Variants in RRP12 observed in about 807,000 individuals in gnomAD.
The protein encoded by RRP12 is RRP12-like protein.
In RRP12, 78 loss-of-function variants were observed where a neutral mutation model predicts 157.3. The ratio of observed to expected loss-of-function variants is 0.50; its 90% CI spans 0.41 to 0.60. The LOEUF (loss-of-function observed/expected upper bound fraction) is 0.60, where lower values mean the gene tolerates loss of function less well. Ranked by LOEUF, RRP12 falls within the 20% of genes least tolerant of loss-of-function variation. The pLI, the probability that RRP12 is intolerant of heterozygous loss-of-function variation, is 0.00. For missense variants in RRP12, 1,521 were observed against 1,679.9 expected, an observed-to-expected ratio of 0.91 and a Z score of 1.65; for synonymous variants, 726 against 670.9, an observed-to-expected ratio of 1.08 and a Z score of -1.27.
chr10:97,388,223 C>A (rs770196606), intron 8 of RRP12, 29 bp downstream of exon 8: 20 of 1,613,100 alleles, frequency 1.2e-5, no homozygotes, highest in Non-Finnish European at 1.4e-5. Flanking sequence ...GCAGGTCCCC[C>A]TTTCTCCAGC....
At chr10:97,392,879 C>T (rs765414590) in intron 4 of RRP12, among the ~76,000 whole-genome samples, 5 of 151,398 alleles carry the variant, frequency 3.3e-5, no homozygotes, top group Admixed American at 6.6e-5. Flanking sequence ...TTAGTAGGGA[C>T]GGGGTTTCAC....
Position 97,372,075 on chromosome 10 carries a change from C to G in RRP12, c.2341G>C (p.Glu781Gln), listed in dbSNP as rs1844171291. The G allele has an allele frequency of 6.2e-7, 1 of 1,611,846 alleles. No individual in the cohort carries two copies. The highest frequency in any genetic ancestry group is 8.5e-7 in the Non-Finnish European group (1 of 1,178,598). ...KLYSTIRPYL[E>Q]SKAHGVQKKA... Reference sequence around the variant, plus strand: ...CGCTCCTGGCCCCCGAGGCTCACCTCTAGGTAGGGCCGGATGGTGGAGTAT... The same window carrying G: ...CGCTCCTGGCCCCCGAGGCTCACCTGTAGGTAGGGCCGGATGGTGGAGTAT... Residue 781 changes from glutamate (E) to glutamine (Q), a missense_variant and splice_region_variant, in exon 20 of 34, where the codon GAG (glutamate) becomes CAG (glutamine). Physicochemically the swap from Glu to Gln is conservative, Grantham distance 29 (BLOSUM62 2). Transcript: ENST00000370992.
Position 97,381,821 on chromosome 10 carries a change from T to C in RRP12, c.1214A>G (p.Gln405Arg). ...EKAHINLVRLQWDLGLGHLPR... is the reference protein window; with the variant it reads ...EKAHINLVRLRWDLGLGHLPR... Reference sequence around the variant, plus strand: ...GAGGTGGCCTAGCCCCAGGTCCCACTGCAACCTGTCAAGACAAAAGGTTTC... The same window carrying C: ...GAGGTGGCCTAGCCCCAGGTCCCACCGCAACCTGTCAAGACAAAAGGTTTC... Residue 405 changes from glutamine to arginine, a missense_variant, in exon 11 of 34, where the codon CAG (glutamine) becomes CGG (arginine). Gln to Arg is a conservative substitution (Grantham distance 43). Transcript: ENST00000370992. The C allele has an allele frequency of 3.1e-6, 5 of 1,613,280 alleles. No individual in the cohort carries two copies. In the East Asian group the frequency reaches 8.9e-5, roughly 29 times the overall value.
intron 17 of RRP12, 22 bp from the exon 18 acceptor site, chr10:97,373,222 G>A: frequency 6.2e-7 from 1 of 1,611,650 alleles, no homozygotes; most frequent in Non-Finnish European, 8.5e-7. Context: ...ATCAAAGTTT[G>A]CACTAAAGGC....
chr10:97,380,676 T>C (rs1589428183), intron 13 of RRP12, 123 bp downstream of exon 13: 2 of 703,056 alleles, frequency 2.8e-6, no homozygotes, highest in East Asian at 2.7e-5. Flanking sequence ...GCACCTGCTA[T>C]GGCCCTGTCA....
intron 22 of RRP12, 55 bp from the exon 23 acceptor site, chr10:97,370,615 G>A (rs760285847): frequency 1.9e-5 from 30 of 1,584,632 alleles, no homozygotes; most frequent in Admixed American, 3.4e-5. Flanking sequence ...CCCGGGAAGC[G>A]AATCGAGTCC....
chr10:97,362,393 C>T (rs1242747488), intron 30 of RRP12, among the ~76,000 whole-genome samples: 2 of 152,194 alleles, frequency 1.3e-5, no homozygotes, highest in Non-Finnish European at 2.9e-5. Flanking sequence ...AAAAAGATTT[C>T]CAGGAAAAGT....
In RRP12 at chr10:97,390,948, C is replaced by T. The variant is rs915715130; in HGVS notation, c.531-104G>A. On this transcript the variant is annotated intron_variant, in intron 4 of 33. Coordinates refer to ENST00000370992, the MANE Select transcript of RRP12 (RefSeq NM_015179.4). The stretch of plus-strand genomic sequence containing the variant: ...GACAGGGCAAGGGGCGCTGGTGGCA[C>T]AGTCACTCAGAAAGTGAGCAACAAA... 7.8e-6 allele frequency: 6 copies of T among 766,544 alleles called. No homozygotes were observed. The African/African-American group carries it at 8.6e-5, about 11-fold the overall frequency. 47.5% of individuals were successfully genotyped at this position (766,544 alleles called of 1,614,324 possible).
intron 22 of RRP12, 47 bp downstream of exon 22, chr10:97,370,669 G>C: frequency 6.2e-7 from 1 of 1,606,320 alleles, no homozygotes; most frequent in Non-Finnish European, 8.5e-7. Flanking sequence ...AGGCCCTTAA[G>C]AGCCACATTC....
Position 97,400,471 on chromosome 10 carries a change from C to T in RRP12, c.203G>A (p.Arg68His). ...LHNELQSGSLRLGKSEAPETP... is the reference protein window; with the variant it reads ...LHNELQSGSLHLGKSEAPETP... ...CTCCGGGGCTTCGCTTTTGCCCAAG[C>T]GCAAGGACCCTGACTGCAGCTCATT... The change falls in exon 2 of 34, where the codon CGC becomes CAC. Residue 68 changes from arginine to histidine, a missense_variant. Physicochemically the swap from Arg to His is conservative, Grantham distance 29 (BLOSUM62 0). Coordinates refer to ENST00000370992, the MANE Select transcript of RRP12 (RefSeq NM_015179.4). 1.2e-6 allele frequency: 2 copies of T among 1,614,124 alleles called. No homozygotes were observed. Among genetic ancestry groups the T allele is most frequent in the Non-Finnish European group, 1.7e-6 (2 of 1,180,014 alleles).
At position 97,358,559 on chromosome 10, in the gene RRP12, T is replaced by A. The variant is rs776056564; in HGVS notation, c.3769A>T (p.Asn1257Tyr). The change falls in exon 33 of 34, where the codon AAC (asparagine) becomes TAC (tyrosine). Residue 1257 changes from asparagine (N) to tyrosine (Y), a missense_variant. By Grantham distance (143) the Asn-to-Tyr change is moderately radical (BLOSUM62 -2). Transcript: ENST00000370992. The part of the protein sequence containing the change: ...RPDPYAYIPL[N>Y]RSKLNRRKKM... ...TACCTGCGGTTGAGCTTGCTTCTGT[T>A]GAGGGGGATGTAGGCATAGGGATCC... The A allele has an allele frequency of 1.3e-5, 21 of 1,613,824 alleles. No individual in the cohort carries two copies. The Admixed American group carries it at 3.5e-4, about 27-fold the overall frequency.
In RRP12 at chr10:97,381,482, T is replaced by C; in HGVS notation, c.1322A>G (p.Glu441Gly). The stretch of plus-strand genomic sequence containing the variant: ...GGGAGCCACGCATTCCTTCAGGATC[T>C]CCTGCGAAGAGAGGCCACAGGCTTT... ...VLTAATQSLK[E>G]ILKECVAPHM... Residue 441 changes from glutamate to glycine, a missense_variant and splice_region_variant, in exon 12 of 34, where the codon GAG becomes GGG. Glu to Gly is a moderately conservative substitution (Grantham distance 98, BLOSUM62 -2). Coordinates refer to ENST00000370992, the MANE Select transcript of RRP12 (RefSeq NM_015179.4). The C allele has an allele frequency of 6.2e-7, 1 of 1,608,494 alleles. No homozygotes were observed. The highest frequency in any genetic ancestry group is 1.1e-5 in the South Asian group (1 of 89,948).
At chr10:97,384,328 C>A (rs189771989) in intron 10 of RRP12, among the ~76,000 whole-genome samples, 105 of 150,982 alleles carry the variant, frequency 7.0e-4, no homozygotes, top group African/African-American at 2.5e-3. Context: ...CCCTGAGGAC[C>A]CCCAACCTCT....
chr10:97,374,789 A>AAAT (rs1382914113), intron 15 of RRP12, among the ~76,000 whole-genome samples: 1 of 150,928 alleles, frequency 6.6e-6, no homozygotes, highest in Non-Finnish European at 1.5e-5. Flanking sequence ...AAAAAAAAAA[A>AAAT]CCATAGGGAG....
In RRP12 at chr10:97,366,020, G is replaced by A. The variant is rs1295814884; in HGVS notation, c.3517+88C>T. The A allele has an allele frequency of 3.2e-6, 5 of 1,555,022 alleles. No individual in the cohort carries two copies. The East Asian group carries it at 1.1e-4, about 35-fold the overall frequency. On this transcript the variant is annotated intron_variant, in intron 29 of 33. Coordinates refer to ENST00000370992, the MANE Select transcript of RRP12 (RefSeq NM_015179.4). ...AGCTGCCGAGAGAAGAGTTTCTCTG[G>A]TCTGTTTTTAGCCACGCTTCCTCAG...
At chr10:97,358,693 C>T in intron 32 of RRP12, 74 bp from the exon 33 acceptor site, 2 of 1,135,142 alleles carry the variant, frequency 1.8e-6, no homozygotes, top group East Asian at 2.3e-5. Flanking sequence ...ACTTGACAGG[C>T]CCCATAACCT....
At chr10:97,397,210 G>A (rs1844989683) in intron 2 of RRP12, among the ~76,000 whole-genome samples, 1 of 151,756 alleles carries the variant, frequency 6.6e-6, no homozygotes, top group Non-Finnish European at 1.5e-5. Flanking sequence ...ACCCAGGGTG[G>A]AATGCAGTGG....
In RRP12 at chr10:97,388,233, C is replaced by G. The variant is rs766731360; in HGVS notation, c.1017+19G>C. On this transcript the variant is annotated intron_variant, in intron 8 of 33. Coordinates refer to ENST00000370992, the MANE Select transcript of RRP12 (RefSeq NM_015179.4). ...CCACTGCAGGTCCCCCTTTCTCCAG[C>G]TTTTGGGCCTGAGCTCACCACATGG... The G allele has an allele frequency of 5.0e-6, 8 of 1,613,428 alleles. No homozygotes were observed. The African/African-American group carries it at 9.3e-5, about 19-fold the overall frequency.
rs1020774800 is a variant in RRP12 at position 97,401,246 on chromosome 10, G to A, written c.-15C>T. The A allele has an allele frequency of 6.2e-7, 1 of 1,614,034 alleles. No individual in the cohort carries two copies. The highest frequency in any genetic ancestry group is 1.1e-5 in the South Asian group (1 of 91,074). ...GAGCGACCCATGTTGACTAAGCCGT[G>A]GCGAGGAATGAGCTTAAATGACCGG... is the stretch of plus-strand genomic sequence containing the variant. On this transcript the variant is annotated 5_prime_UTR_variant, in exon 1 of 34. Coordinates refer to ENST00000370992, the MANE Select transcript of RRP12 (RefSeq NM_015179.4).
Sources: allele counts gnomAD v4.1 joint callset (sites outside exome capture counted in the v4.1 genomes callset), GRCh38; gene constraint gnomAD v4.1.1; transcripts MANE v1.5; gene names NCBI Gene and HGNC (gene_info 2026-07-23, HGNC 2026-07-21).